The following DCBLD1 variants were observed in gnomAD, a reference collection of about 807,000 sequenced individuals.
The protein encoded by DCBLD1 is discoidin, CUB and LCCL domain-containing protein 1.
DCBLD1 carries 57 observed loss-of-function variants against 71.5 expected under a neutral mutation model. The observed-to-expected ratio is 0.80, with a 90% CI of 0.64 to 0.99. The LOEUF is 0.99. Among genes scored for constraint, DCBLD1 ranks in the 50% least tolerant of loss-of-function variants. DCBLD1 has a pLI of 0.00. For synonymous variants in DCBLD1, 380 were observed against 363.8 expected, an observed-to-expected ratio of 1.04 and a Z score of -0.51; for missense variants, 891 against 923.5, an observed-to-expected ratio of 0.96 and a Z score of 0.46.
intron 7 of DCBLD1, among the ~76,000 whole-genome samples, chr6:117,538,195 C>T (rs532617817): frequency 2.3e-4 from 35 of 152,282 alleles, no homozygotes; most frequent in Admixed American, 2.6e-4. Context: ...GATGTTCAGA[C>T]GACTTAGACA....
intron 4 of DCBLD1, among the ~76,000 whole-genome samples, chr6:117,524,266 C>T (rs1030338282): frequency 4.0e-5 from 6 of 150,602 alleles, no homozygotes. Flanking sequence ...GTGGCGCAAT[C>T]TGGTCTCACT....
chr6:117,483,634 T>G (rs62433108), intron 1 of DCBLD1, among the ~76,000 whole-genome samples: 43,062 of 151,972 alleles, frequency 0.28, 6,166 homozygotes, highest in South Asian at 0.39. Context: ...CTGTCCAGCA[T>G]ATTAAAGCAG....
chr6:117,506,082 A>C (rs1777833051), intron 2 of DCBLD1, among the ~76,000 whole-genome samples: 1 of 152,156 alleles, frequency 6.6e-6, no homozygotes, highest in Non-Finnish European at 1.5e-5. Flanking sequence ...ATTATCATTC[A>C]TTATTATAGA....
intron 2 of DCBLD1, among the ~76,000 whole-genome samples, chr6:117,517,179 A>G (rs753486149): frequency 1.5e-4 from 23 of 152,248 alleles, no homozygotes; most frequent in Non-Finnish European, 2.9e-4. Flanking sequence ...GGGTACTGGC[A>G]TTGGGTAAAT....
intron 1 of DCBLD1, among the ~76,000 whole-genome samples, chr6:117,502,407 G>A (rs758782069): frequency 1.3e-5 from 2 of 152,072 alleles, no homozygotes; most frequent in Non-Finnish European, 2.9e-5. Context: ...CCTTTCCCTA[G>A]GCCTTGGCTG....
chr6:117,547,454 T>TGTG lies in DCBLD1; in HGVS notation c.1616-451_1616-450insGGT, dbSNP rs2114574767. On this transcript the variant is annotated intron_variant, in intron 14 of 14. Coordinates refer to ENST00000338728, the MANE Select transcript of DCBLD1 (RefSeq NM_001366458.2). ...TGGGAGCTCCTGGCATCATCCTCAC[T>TGTG]GTCACCACTAGGCCCTGACCTGTTG... 6.9e-6 allele frequency: 3 copies of TGTG among 432,950 alleles called. No individual in the cohort carries two copies. The East Asian group carries it at 2.1e-4, about 31-fold the overall frequency. 26.8% of individuals were successfully genotyped at this position (432,950 alleles called of 1,614,324 possible). A position where few individuals can be genotyped will look rare whatever the true frequency, so the allele number is the denominator to read the frequency against.
chr6:117,529,062 G>A (rs1198525400), intron 5 of DCBLD1, among the ~76,000 whole-genome samples: 1 of 152,102 alleles, frequency 6.6e-6, no homozygotes, highest in Non-Finnish European at 1.5e-5. Context: ...GGATGGTCTC[G>A]ACCTCCTGAC....
chr6:117,535,292 A>T (rs1374588081), intron 6 of DCBLD1, among the ~76,000 whole-genome samples: 1 of 152,188 alleles, frequency 6.6e-6, no homozygotes, highest in East Asian at 1.9e-4. Flanking sequence ...CCTCATACAG[A>T]GGACGATGGT....
At chr6:117,500,311 G>T (rs185569504) in intron 1 of DCBLD1, among the ~76,000 whole-genome samples, 1 of 152,248 alleles carries the variant, frequency 6.6e-6, no homozygotes, top group South Asian at 2.1e-4. Context: ...ATGACAGTTC[G>T]CTTTTTAATA....
intron 1 of DCBLD1, among the ~76,000 whole-genome samples, chr6:117,494,268 A>G (rs1639561635): frequency 6.6e-6 from 1 of 152,248 alleles, no homozygotes; most frequent in Non-Finnish European, 1.5e-5. Context: ...TATAAAACTC[A>G]GTTTAACTTT....
intron 1 of DCBLD1, 138 bp from the exon 2 acceptor site, chr6:117,503,629 T>C (rs1777735744): frequency 2.5e-6 from 2 of 796,772 alleles, no homozygotes; most frequent in Non-Finnish European, 3.9e-6. Flanking sequence ...TAATTCAGTC[T>C]TCTTTTTTTG....
intron 1 of DCBLD1, among the ~76,000 whole-genome samples, chr6:117,502,281 T>C (rs955357160): frequency 1.3e-5 from 2 of 152,158 alleles, no homozygotes; most frequent in African/African-American, 2.4e-5. Context: ...CTGTCTAAAG[T>C]TCCCCCCGGC....
intron 5 of DCBLD1, among the ~76,000 whole-genome samples, chr6:117,528,554 T>TG (rs1178490676): frequency 6.6e-6 from 1 of 152,246 alleles, no homozygotes; most frequent in Non-Finnish European, 1.5e-5. Flanking sequence ...ATTTGATAGT[T>TG]GCTTGAAAGT....
At chr6:117,521,622 C>T in intron 4 of DCBLD1, 46 bp downstream of exon 4, 1 of 1,500,810 alleles carries the variant, frequency 6.7e-7, no homozygotes, top group Non-Finnish European at 8.9e-7. Context: ...TATTGCTGAA[C>T]ATTTTGTTTT....
rs116107225 is a variant in DCBLD1, at chr6:117,496,267, C to A, written c.113-7500C>A. Among the ~76,000 whole-genome samples, 1,168 of 151,866 alleles carry A rather than the reference C, an allele frequency of 7.7e-3. 14 individuals carry two copies. The highest frequency in any genetic ancestry group is 0.025 in the African/African-American group (1,042 of 41,178). ...TCAGCATAGTATTATTATCCATATT[C>A]CTTTCAGAAAAACTGAAGATTTTGA... On this transcript the variant is annotated intron_variant, in intron 1 of 14. Coordinates refer to ENST00000338728, the MANE Select transcript of DCBLD1 (RefSeq NM_001366458.2).
intron 2 of DCBLD1, among the ~76,000 whole-genome samples, chr6:117,508,982 T>A (rs564785322): frequency 5.8e-4 from 88 of 152,264 alleles, no homozygotes; most frequent in Middle Eastern, 3.4e-3. Flanking sequence ...ATTACACGTG[T>A]GTTTAAGAGC....
At chr6:117,547,661 A>G (rs1263834181) in intron 14 of DCBLD1, 1 of 763,854 alleles carries the variant, frequency 1.3e-6, no homozygotes, top group Middle Eastern at 2.2e-4. Context: ...ATGCCCCAGG[A>G]CGTCGTCGTC....
intron 14 of DCBLD1, chr6:117,547,506 A>C: frequency 2.1e-6 from 1 of 487,656 alleles, no homozygotes; most frequent in South Asian, 1.5e-5. Context: ...CTATTAAACA[A>C]ACTACTCTGT....
At chr6:117,564,979 C>T (rs1269910217) in intron 14 of DCBLD1, among the ~76,000 whole-genome samples, 2 of 152,018 alleles carry the variant, frequency 1.3e-5, no homozygotes, top group Non-Finnish European at 2.9e-5. Flanking sequence ...TCTCAGGAGG[C>T]CTTTATACTA....
Sources: allele counts gnomAD v4.1 joint callset (sites outside exome capture counted in the v4.1 genomes callset), GRCh38; gene constraint gnomAD v4.1.1; transcripts MANE v1.5; gene names NCBI Gene and HGNC (gene_info 2026-07-23, HGNC 2026-07-21).